The following SLC44A1 variants were observed in gnomAD, a reference collection of about 807,000 sequenced individuals.
SLC44A1 encodes the protein choline transporter-like protein 1.
Under a neutral mutation model 79.3 loss-of-function variants are expected in SLC44A1, and 26 were observed. That is an observed-to-expected ratio of 0.33 (90% CI 0.24 to 0.46). SLC44A1 has a LOEUF of 0.46. Ranked by LOEUF, SLC44A1 falls within the 20% of genes least tolerant of loss-of-function variation. The pLI is 1.00. For synonymous variants in SLC44A1, 263 were observed against 286.2 expected, an observed-to-expected ratio of 0.92 and a Z score of 0.82; for missense variants, 688 against 798.1, an observed-to-expected ratio of 0.86 and a Z score of 1.66.
At position 105,351,618 on chromosome 9, in the gene SLC44A1, G is replaced by GA. The variant is rs1310299927; in HGVS notation, c.500+3170dup. On this transcript the variant is annotated intron_variant, in intron 5 of 15. Transcript: ENST00000374720. ...AAAGAGAAAGAAAGAAAGAAAGAAA[G>GA]AAAGAGAGAGAAAGAGAAAGAAAGA... Among the ~76,000 whole-genome samples the GA allele has an allele frequency of 1.6e-4, 15 of 93,144 alleles. No individual in the cohort carries two copies. The South Asian group carries it at 5.3e-3, about 33-fold the overall frequency. The allele number at this position is 93,144 out of a possible 152,430, so 61.1% of individuals were successfully genotyped here.
intron 1 of SLC44A1, among the ~76,000 whole-genome samples, chr9:105,289,896 C>T (rs935773067): frequency 6.6e-6 from 1 of 151,894 alleles, no homozygotes; most frequent in African/African-American, 2.4e-5. Context: ...TCACTGCCAC[C>T]TCTGCCTCCC....
chr9:105,428,449 G>A (rs1037576326), intron 15 of SLC44A1, among the ~76,000 whole-genome samples: 1 of 152,096 alleles, frequency 6.6e-6, no homozygotes, highest in Non-Finnish European at 1.5e-5. Context: ...AAGAAGTATA[G>A]TTGTTCAGAG....
intron 1 of SLC44A1, among the ~76,000 whole-genome samples, chr9:105,292,029 A>G (rs1830612598): frequency 6.6e-6 from 1 of 152,200 alleles, no homozygotes; most frequent in African/African-American, 2.4e-5. Flanking sequence ...ATTGGAATCT[A>G]TAATGGTTGG....
chr9:105,354,087 G>C (rs921293689), intron 5 of SLC44A1, among the ~76,000 whole-genome samples: 2 of 107,148 alleles, frequency 1.9e-5, no homozygotes, highest in South Asian at 3.0e-4. Context: ...GTCTCTCTCT[G>C]TCGCCCAGGC....
intron 3 of SLC44A1, among the ~76,000 whole-genome samples, chr9:105,333,253 C>A (rs1056693236): frequency 6.6e-6 from 1 of 151,894 alleles, no homozygotes; most frequent in South Asian, 2.1e-4. Context: ...GCTTTTTTTT[C>A]CTTTTCCCTA....
At chr9:105,354,941 CT>C (rs1292974782) in intron 5 of SLC44A1, among the ~76,000 whole-genome samples, 1 of 152,200 alleles carries the variant, frequency 6.6e-6, no homozygotes, top group Non-Finnish European at 1.5e-5. Context: ...ATTTTATCCA[CT>C]CATTGGACCA....
At position 105,389,608 on chromosome 9, in the gene SLC44A1, C is replaced by T. The variant is rs1479391041; in HGVS notation, c.*552C>T. On this transcript the variant is annotated 3_prime_UTR_variant, in exon 16 of 16. Transcript: ENST00000374720. ...AGCCATGTCATTTTACTTTTAGAAACATACAATTGGGCCCAATATGGGAAT... is the reference window on the plus strand; with the variant it reads ...AGCCATGTCATTTTACTTTTAGAAATATACAATTGGGCCCAATATGGGAAT... 1 of 1,168,386 alleles carries T rather than the reference C, an allele frequency of 8.6e-7. No homozygotes were observed. Among genetic ancestry groups the T allele is most frequent in the African/African-American group, 1.6e-5 (1 of 62,992 alleles). 72.4% of individuals were successfully genotyped at this position (1,168,386 alleles called of 1,614,324 possible). A position where few individuals can be genotyped will look rare whatever the true frequency, so the allele number is the denominator to read the frequency against.
At chr9:105,261,616 A>G (rs577930000) in intron 1 of SLC44A1, among the ~76,000 whole-genome samples, 3 of 152,214 alleles carry the variant, frequency 2.0e-5, no homozygotes, top group African/African-American at 7.2e-5. Flanking sequence ...GTTCTGTTCA[A>G]TGTTCATGGG....
intron 1 of SLC44A1, among the ~76,000 whole-genome samples, chr9:105,275,836 G>A (rs923570111): frequency 5.4e-5 from 8 of 148,664 alleles, no homozygotes; most frequent in African/African-American, 1.5e-4. Context: ...ACGGAGTGCC[G>A]CTCTGTCGCT....
chr9:105,311,773 C>T (rs1056041411), intron 3 of SLC44A1, among the ~76,000 whole-genome samples: 2 of 152,170 alleles, frequency 1.3e-5, no homozygotes, highest in African/African-American at 4.8e-5. Context: ...TGCTAACCTA[C>T]TTAAGTATTT....
intron 1 of SLC44A1, among the ~76,000 whole-genome samples, chr9:105,299,007 A>T (rs1830804377): frequency 6.6e-6 from 1 of 152,114 alleles, no homozygotes; most frequent in Admixed American, 6.5e-5. Context: ...CCTGGCCAGG[A>T]AGAGGGGTGG....
intron 3 of SLC44A1, among the ~76,000 whole-genome samples, chr9:105,315,024 A>C (rs912984563): frequency 5.9e-5 from 9 of 152,204 alleles, no homozygotes; most frequent in Middle Eastern, 3.2e-3. Context: ...AGATCTGGTG[A>C]GCTGTATGGT....
chr9:105,419,928 A>C (rs1054872964), intron 15 of SLC44A1, among the ~76,000 whole-genome samples: 4 of 151,686 alleles, frequency 2.6e-5, no homozygotes, highest in African/African-American at 9.7e-5. Flanking sequence ...AAAAAAAAAA[A>C]AAAAAAAAAG....
intron 6 of SLC44A1, chr9:105,357,293 A>G (rs1391289621): frequency 6.6e-6 from 1 of 152,192 alleles, no homozygotes. Context: ...CACAAATCCC[A>G]ACCATTTATT....
Position 105,385,419 on chromosome 9 carries a change from C to A in SLC44A1, c.1870-3C>A. The A allele has an allele frequency of 6.3e-7, 1 of 1,575,364 alleles. No homozygotes were observed. The highest frequency in any genetic ancestry group is 8.6e-7 in the Non-Finnish European group (1 of 1,158,190). ...TTTATTCAATATGGTCCATATTTTG[C>A]AGGAGTTTGTGGAAAACAGTAGGAA... On this transcript the variant is annotated splice_region_variant and splice_polypyrimidine_tract_variant and intron_variant, in intron 14 of 15. Coordinates refer to ENST00000374720, the MANE Select transcript of SLC44A1 (RefSeq NM_080546.5).
chr9:105,371,220 G>A (rs146236695), intron 12 of SLC44A1, among the ~76,000 whole-genome samples: 5 of 152,210 alleles, frequency 3.3e-5, no homozygotes, highest in Non-Finnish European at 7.3e-5. Flanking sequence ...GTAGATGAGT[G>A]AGTAGATGAG....
At chr9:105,273,669 A>G (rs1830129158) in intron 1 of SLC44A1, among the ~76,000 whole-genome samples, 1 of 151,150 alleles carries the variant, frequency 6.6e-6, no homozygotes, top group African/African-American at 2.5e-5. Context: ...TGTTCTGAGT[A>G]TATTGTCTGA....
At chr9:105,377,020 T>A (rs1001823127) in intron 13 of SLC44A1, among the ~76,000 whole-genome samples, 2 of 152,186 alleles carry the variant, frequency 1.3e-5, no homozygotes, top group South Asian at 2.1e-4. Context: ...TGGGCCTTTT[T>A]AAAAATTTTT....
At chr9:105,343,433 A>T (rs184685256) in intron 4 of SLC44A1, among the ~76,000 whole-genome samples, 109 of 152,324 alleles carry the variant, frequency 7.2e-4, no homozygotes, top group Middle Eastern at 3.4e-3. Context: ...GATTATTGTT[A>T]TCTGGTTGTT....
Sources: gnomAD v4.1 joint callset for allele counts (sites outside exome capture counted in the v4.1 genomes callset) on GRCh38, gnomAD v4.1.1 for gene constraint, MANE v1.5 for transcripts, NCBI Gene and HGNC (gene_info 2026-07-23, HGNC 2026-07-21) for gene names.